The following MB21D2 variants were observed in gnomAD, a reference collection of about 807,000 sequenced individuals.
MB21D2 encodes the protein nucleotidyltransferase MB21D2.
MB21D2 carries 9 observed loss-of-function variants against 33.3 expected under a neutral mutation model. The ratio of observed to expected loss-of-function variants is 0.27; its 90% CI spans 0.16 to 0.47. The LOEUF (loss-of-function observed/expected upper bound fraction) is 0.47. Ranked by LOEUF, MB21D2 falls within the 20% of genes least tolerant of loss-of-function variation. The pLI is 0.99. For missense variants in MB21D2, 540 were observed against 624.6 expected, an observed-to-expected ratio of 0.86 and a Z score of 1.44; for synonymous variants, 241 against 236.3, an observed-to-expected ratio of 1.02 and a Z score of -0.18.
rs750231116 is a variant in MB21D2 at position 192,799,817 on chromosome 3, T to C, written c.212-167A>G. 6.6e-6 allele frequency among the ~76,000 whole-genome samples: 1 copy of C among 152,208 alleles called. No individual in the cohort carries two copies. The highest frequency in any genetic ancestry group is 1.5e-5 in the Non-Finnish European group (1 of 68,030). On this transcript the variant is annotated intron_variant, in intron 1 of 1. Coordinates refer to ENST00000392452, the MANE Select transcript of MB21D2 (RefSeq NM_178496.4). This position sits in a 1 kb window ranked among gnomAD's most constrained non-coding sequence, Gnocchi z 4.1. ...CTGGCCAACAGTACTTTCTCACTAG[T>C]GCTAGAATCCACCCTTTTCCAAATG...
chr3:192,822,177 G>T (rs1230192715), intron 1 of MB21D2, among the ~76,000 whole-genome samples: 1 of 123,554 alleles, frequency 8.1e-6, no homozygotes, highest in Non-Finnish European at 1.7e-5. Flanking sequence ...CAGTCCAACA[G>T]AAAAAAGGCG....
intron 1 of MB21D2, among the ~76,000 whole-genome samples, chr3:192,851,907 C>T (rs1712813685): frequency 6.6e-6 from 1 of 152,220 alleles, no homozygotes; most frequent in Non-Finnish European, 1.5e-5. Flanking sequence ...CAAAGCAAGA[C>T]ATGCTGTCAA....
intron 1 of MB21D2, among the ~76,000 whole-genome samples, chr3:192,867,859 G>A (rs898824374): frequency 2.0e-5 from 3 of 152,086 alleles, no homozygotes; most frequent in Non-Finnish European, 4.4e-5. Flanking sequence ...CGGATCTTCC[G>A]CATAAGGAAG....
intron 1 of MB21D2, among the ~76,000 whole-genome samples, chr3:192,916,716 G>C (rs1363163150): frequency 6.6e-6 from 1 of 152,200 alleles, no homozygotes; most frequent in Non-Finnish European, 1.5e-5. Flanking sequence ...GGTCTCCCGG[G>C]CCTGGCTCAA....
At chr3:192,829,219 A>G (rs1426155076) in intron 1 of MB21D2, among the ~76,000 whole-genome samples, 4 of 152,140 alleles carry the variant, frequency 2.6e-5, no homozygotes, top group Non-Finnish European at 1.5e-5. Context: ...AAGTTCACCC[A>G]TTTTGTTGAT....
At chr3:192,847,053 C>G (rs893061993) in intron 1 of MB21D2, among the ~76,000 whole-genome samples, 3 of 152,162 alleles carry the variant, frequency 2.0e-5, no homozygotes, top group Non-Finnish European at 4.4e-5. Flanking sequence ...GAAGCAGAGG[C>G]TCTGGAATAC....
At chr3:192,914,455 C>T (rs1033789615) in intron 1 of MB21D2, among the ~76,000 whole-genome samples, 7 of 152,138 alleles carry the variant, frequency 4.6e-5, no homozygotes, top group Non-Finnish European at 4.4e-5. Flanking sequence ...CAGTCTCTAT[C>T]GAACCTCACC....
intron 1 of MB21D2, among the ~76,000 whole-genome samples, chr3:192,833,487 C>T (rs1016633945): frequency 1.3e-5 from 2 of 152,192 alleles, no homozygotes; most frequent in African/African-American, 2.4e-5. Context: ...CCTTCAGTTT[C>T]GCAACAGAAA....
chr3:192,844,571 A>G (rs1712641825), intron 1 of MB21D2, among the ~76,000 whole-genome samples: 1 of 152,212 alleles, frequency 6.6e-6, no homozygotes. Flanking sequence ...TTCTGTGTAC[A>G]AGCACATGTC....
At chr3:192,909,663 G>A (rs535807280) in intron 1 of MB21D2, among the ~76,000 whole-genome samples, 1 of 152,278 alleles carries the variant, frequency 6.6e-6, no homozygotes, top group Admixed American at 6.5e-5. Flanking sequence ...AGACACGGTG[G>A]CTCACGCCTG....
rs553264601 is a variant in MB21D2 at position 192,845,486 on chromosome 3, T to C, written c.212-45836A>G. Among the ~76,000 whole-genome samples the C allele has an allele frequency of 3.3e-5, 5 of 152,356 alleles. No homozygotes were observed. The South Asian group carries it at 6.2e-4, about 19-fold the overall frequency. On this transcript the variant is annotated intron_variant, in intron 1 of 1. Coordinates refer to ENST00000392452, the MANE Select transcript of MB21D2 (RefSeq NM_178496.4). ...TGCTGAGCATCCTCATCTATGCTCC[T>C]ATGCTCCAATTTTAAATTCCCATCA...
chr3:192,852,656 A>G (rs1215653533), intron 1 of MB21D2, among the ~76,000 whole-genome samples: 1 of 152,240 alleles, frequency 6.6e-6, no homozygotes, highest in Non-Finnish European at 1.5e-5. Context: ...TTAAATAATG[A>G]GAGCAAAATA....
Position 192,886,307 on chromosome 3 carries a change from A to G in MB21D2, c.211+31323T>C, listed in dbSNP as rs569250180. ...CTCCATTGTTTTGTGATGAGATGGG[A>G]GTATAAATAAAAATCATACTTGCTA... On this transcript the variant is annotated intron_variant, in intron 1 of 1. Transcript: ENST00000392452. Among the ~76,000 whole-genome samples the G allele has an allele frequency of 1.1e-4, 17 of 152,274 alleles. No homozygotes were observed. In the South Asian group the frequency reaches 3.5e-3, roughly 32 times the overall value.
chr3:192,799,511 G>A lies in MB21D2; in HGVS notation c.351C>T (p.Asp117=), dbSNP rs1161286383. ...VYARGTDYDM[D]FTLLVPALKL... is the part of the protein sequence containing the mutation. ...TGAGGGCTGGCACCAAGAGGGTAAA[G>A]TCCATATCATAGTCAGTACCCCGGG... is the stretch of plus-strand genomic sequence containing the variant. Residue 117 remains aspartate (D), a synonymous_variant, in exon 2 of 2, where the codon GAC becomes GAT. Coordinates refer to ENST00000392452, the MANE Select transcript of MB21D2 (RefSeq NM_178496.4). This position sits in a 1 kb window ranked among gnomAD's most constrained non-coding sequence, Gnocchi z 4.1. 5.0e-6 allele frequency: 8 copies of A among 1,614,080 alleles called. No individual in the cohort carries two copies. Among genetic ancestry groups the A allele is most frequent in the Non-Finnish European group, 6.8e-6 (8 of 1,180,052 alleles).
intron 1 of MB21D2, among the ~76,000 whole-genome samples, chr3:192,903,118 C>T (rs1431180686): frequency 6.6e-6 from 1 of 152,228 alleles, no homozygotes; most frequent in Non-Finnish European, 1.5e-5. Flanking sequence ...GGGAAATTTT[C>T]CCTACCTTGA....
At chr3:192,841,605 G>A (rs1203155038) in intron 1 of MB21D2, among the ~76,000 whole-genome samples, 1 of 152,206 alleles carries the variant, frequency 6.6e-6, no homozygotes, top group Admixed American at 6.5e-5. Context: ...TGTTCCAAAG[G>A]CTGCGGCTCT....
intron 1 of MB21D2, among the ~76,000 whole-genome samples, chr3:192,902,358 T>C (rs1030308966): frequency 1.4e-4 from 22 of 152,336 alleles, no homozygotes; most frequent in Middle Eastern, 3.4e-3. Flanking sequence ...AGACTGCCGA[T>C]GTCTGAATCC....
intron 1 of MB21D2, among the ~76,000 whole-genome samples, chr3:192,885,932 C>A (rs1713722060): frequency 6.6e-6 from 1 of 152,062 alleles, no homozygotes; most frequent in Non-Finnish European, 1.5e-5. Context: ...TTCCTTACGT[C>A]TTTAAACCCC....
At chr3:192,846,979 C>T (rs1229020945) in intron 1 of MB21D2, among the ~76,000 whole-genome samples, 2 of 152,128 alleles carry the variant, frequency 1.3e-5, no homozygotes, top group African/African-American at 2.4e-5. Flanking sequence ...TTGAGGGTTC[C>T]CTGGACTCCT....
Sources: gnomAD v4.1 joint callset for allele counts (sites outside exome capture counted in the v4.1 genomes callset) on GRCh38, gnomAD v4.1.1 for gene constraint, Gnocchi (gnomAD v3.1) non-coding constraint, MANE v1.5 for transcripts, NCBI Gene and HGNC (gene_info 2026-07-23, HGNC 2026-07-21) for gene names.